The following BMPER variants were observed in gnomAD, a reference collection of about 807,000 sequenced individuals.
The protein encoded by BMPER is BMP binding endothelial regulator.
A neutral mutation model predicts 87.3 loss-of-function variants in BMPER; 45 were observed. That is an observed-to-expected ratio of 0.52 (90% confidence interval 0.41 to 0.66). BMPER has a LOEUF of 0.66. Among genes scored for constraint, BMPER ranks in the 30% least tolerant of loss-of-function variants. The probability of loss-of-function intolerance (pLI) is 0.00; values close to 1 mark genes in which losing one functional copy is unlikely to be tolerated. For synonymous variants in BMPER, 326 were observed against 316.2 expected (o/e 1.03, Z -0.33); for missense variants, 784 against 867.5 (o/e 0.90, Z 1.21).
At chr7:33,947,913 T>C (rs1784925787) in intron 3 of BMPER, among the ~76,000 whole-genome samples, 1 of 152,086 alleles carries the variant, frequency 6.6e-6, no homozygotes, top group Non-Finnish European at 1.5e-5. Flanking sequence ...TTACCATATA[T>C]AGAAACAAAC....
At chr7:34,132,758 C>G (rs535790250) in intron 13 of BMPER, among the ~76,000 whole-genome samples, 1 of 152,228 alleles carries the variant, frequency 6.6e-6, no homozygotes, top group South Asian at 2.1e-4. Context: ...GACAGAATCA[C>G]AGAATATTAG....
chr7:33,954,793 C>T (rs1444043658), intron 3 of BMPER, among the ~76,000 whole-genome samples: 2 of 152,034 alleles, frequency 1.3e-5, no homozygotes. Flanking sequence ...GGAGGTTTCT[C>T]CTCATTCCTT....
intron 6 of BMPER, among the ~76,000 whole-genome samples, chr7:34,025,262 C>T (rs1479028209): frequency 2.0e-5 from 3 of 151,964 alleles, no homozygotes; most frequent in Non-Finnish European, 4.4e-5. Flanking sequence ...TGAATTGCTT[C>T]CTTTGATTTT....
upstream of BMPER, chr7:33,905,517 AC>A: frequency 7.6e-7 from 1 of 1,313,234 alleles, no homozygotes; most frequent in Non-Finnish European, 9.9e-7. Flanking sequence ...GTCTCCCGAC[AC>A]GCCGGCTGAG....
chr7:33,945,167 T>A (rs1487975900), intron 3 of BMPER, among the ~76,000 whole-genome samples: 1 of 151,764 alleles, frequency 6.6e-6, no homozygotes, highest in African/African-American at 2.4e-5. Context: ...CGTCTCGATC[T>A]CCTGACCTCG....
At chr7:33,994,687 A>C (rs1786351792) in intron 6 of BMPER, among the ~76,000 whole-genome samples, 1 of 152,022 alleles carries the variant, frequency 6.6e-6, no homozygotes, top group South Asian at 2.1e-4. Flanking sequence ...ATTCTGATTG[A>C]CTTTAGGGCG....
At chr7:34,102,223 G>A (rs993299737) in intron 13 of BMPER, among the ~76,000 whole-genome samples, 2 of 152,006 alleles carry the variant, frequency 1.3e-5, no homozygotes, top group Non-Finnish European at 1.5e-5. Flanking sequence ...GTTCCTCATG[G>A]TTATAGCTTC....
chr7:34,142,935 G>A (rs1262767674), intron 13 of BMPER, among the ~76,000 whole-genome samples: 5 of 152,190 alleles, frequency 3.3e-5, no homozygotes, highest in Non-Finnish European at 5.9e-5. Flanking sequence ...GTGCTCAGTA[G>A]CCAAATATGG....
intron 6 of BMPER, among the ~76,000 whole-genome samples, chr7:33,990,994 G>A (rs1442570850): frequency 7.3e-6 from 1 of 137,888 alleles, no homozygotes; most frequent in Non-Finnish European, 1.6e-5. Flanking sequence ...TAAGCTTTTT[G>A]ATGTGCTGCT....
At chr7:34,070,395 A>G (rs1340644075) in intron 11 of BMPER, among the ~76,000 whole-genome samples, 1 of 152,146 alleles carries the variant, frequency 6.6e-6, no homozygotes, top group East Asian at 1.9e-4. Flanking sequence ...TTGCTAATCA[A>G]TCATCAGGTT....
intron 14 of BMPER, 46 bp from the exon 15 acceptor site, chr7:34,153,046 T>G: frequency 6.2e-7 from 1 of 1,608,682 alleles, no homozygotes; most frequent in Non-Finnish European, 8.5e-7. Flanking sequence ...GGTGAATTAA[T>G]GGGGCCTTTC....
intron 2 of BMPER, among the ~76,000 whole-genome samples, chr7:33,928,837 A>G (rs1784419682): frequency 6.6e-6 from 1 of 152,068 alleles, no homozygotes; most frequent in Non-Finnish European, 1.5e-5. Context: ...TCAGGAGAAC[A>G]CTGTCATTTA....
At position 34,055,207 on chromosome 7, in the gene BMPER, C is replaced by T. The variant is rs1248012241; in HGVS notation, c.831C>T (p.Gly277=). ...AGAGGAAGTGCTCCCACCCTGGTGG[C>T]TGTGACCAAGGCCAGGAGGGCTGTT... The part of the protein sequence containing the change: ...VCKRKCSHPG[G]CDQGQEGCCE... Residue 277 remains glycine, a synonymous_variant, in exon 9 of 15, where the codon GGC becomes GGT. Transcript: ENST00000649409. The T allele has an allele frequency of 6.2e-7, 1 of 1,614,144 alleles. No homozygotes were observed. Among genetic ancestry groups the T allele is most frequent in the Non-Finnish European group, 8.5e-7 (1 of 1,180,018 alleles).
At chr7:34,003,078 T>C (rs1786628310) in intron 6 of BMPER, among the ~76,000 whole-genome samples, 1 of 151,872 alleles carries the variant, frequency 6.6e-6, no homozygotes, top group South Asian at 2.1e-4. Context: ...CTTATGTCTT[T>C]TTTGTTCTGC....
intron 5 of BMPER, among the ~76,000 whole-genome samples, chr7:33,974,194 G>A (rs1785621001): frequency 6.6e-6 from 1 of 152,170 alleles, no homozygotes; most frequent in Non-Finnish European, 1.5e-5. Flanking sequence ...TGTGAAAAGA[G>A]TGATGAAAGT....
chr7:34,058,302 G>A lies in BMPER; in HGVS notation c.1032+139G>A, dbSNP rs1585786437. Reference sequence around the variant, plus strand: ...ATTCCTGACTAGTCAAATGCCTCTTGCAAAGTTTGCTCATTCTTCTTGCAG... The same window carrying A: ...ATTCCTGACTAGTCAAATGCCTCTTACAAAGTTTGCTCATTCTTCTTGCAG... On this transcript the variant is annotated intron_variant, in intron 10 of 14. Transcript: ENST00000649409. The A allele has an allele frequency of 3.0e-5, 24 of 802,318 alleles. No homozygotes were observed. In the East Asian group the frequency reaches 6.5e-4, roughly 22 times the overall value. The allele number at this position is 802,318 out of a possible 1,614,324, so 49.7% of individuals were successfully genotyped here. A position where few individuals can be genotyped will look rare whatever the true frequency, so the allele number is the denominator to read the frequency against.
chr7:34,105,062 T>A (rs576045440), intron 13 of BMPER, among the ~76,000 whole-genome samples: 19 of 152,280 alleles, frequency 1.2e-4, no homozygotes, highest in Admixed American at 1.0e-3. Context: ...ATGTGTGGTG[T>A]GTGTGAGAGT....
At chr7:34,140,278 G>A (rs1042500519) in intron 13 of BMPER, among the ~76,000 whole-genome samples, 3 of 152,314 alleles carry the variant, frequency 2.0e-5, no homozygotes, top group East Asian at 1.9e-4. Context: ...ACCACTGCCA[G>A]CGGGGCAGGG....
chr7:34,034,338 A>G (rs1374534641), intron 6 of BMPER, among the ~76,000 whole-genome samples: 1 of 152,208 alleles, frequency 6.6e-6, no homozygotes. Flanking sequence ...GACATAGATC[A>G]TCTTTCAGTA....
Sources: gnomAD v4.1 joint callset for allele counts (sites outside exome capture counted in the v4.1 genomes callset) on GRCh38, gnomAD v4.1.1 for gene constraint, MANE v1.5 for transcripts, NCBI Gene and HGNC (gene_info 2026-07-23, HGNC 2026-07-21) for gene names.